Variants in ROBO1 observed in about 807,000 individuals in gnomAD.
The protein encoded by ROBO1 is roundabout guidance receptor 1, also known as roundabout homolog 1.
Under a neutral mutation model 195.9 loss-of-function variants are expected in ROBO1, and 149 were observed. That is an observed-to-expected ratio of 0.76 (90% confidence interval 0.67 to 0.87). ROBO1 has a LOEUF of 0.87. Among genes scored for constraint, ROBO1 ranks in the 40% least tolerant of loss-of-function variants. The probability of loss-of-function intolerance (pLI) is 0.00; values close to 1 mark genes in which losing one functional copy is unlikely to be tolerated. For synonymous variants in ROBO1, 816 were observed against 733.2 expected (o/e 1.11, Z -1.82); for missense variants, 1,933 against 2,068.3 (o/e 0.93, Z 1.27).
At chr3:78,654,412 C>T (rs761804629) in intron 18 of ROBO1, among the ~76,000 whole-genome samples, 2 of 152,168 alleles carry the variant, frequency 1.3e-5, no homozygotes, top group Non-Finnish European at 2.9e-5. Context: ...TTTCATGTTC[C>T]AGACTCTTTT....
chr3:79,395,260 T>G (rs1160817967), intron 2 of ROBO1, among the ~76,000 whole-genome samples: 1 of 139,186 alleles, frequency 7.2e-6, no homozygotes, highest in African/African-American at 2.7e-5. Flanking sequence ...AGGCAGAGCT[T>G]GCAGTGAGCC....
chr3:78,950,983 T>G (rs1258123204), intron 3 of ROBO1, among the ~76,000 whole-genome samples: 1 of 151,798 alleles, frequency 6.6e-6, no homozygotes, highest in Non-Finnish European at 1.5e-5. Context: ...TTTCTAACTT[T>G]TTTTCTGCCA....
chr3:79,373,593 C>G (rs2036280137), intron 2 of ROBO1, among the ~76,000 whole-genome samples: 1 of 152,134 alleles, frequency 6.6e-6, no homozygotes, highest in African/African-American at 2.4e-5. Context: ...AAATACTGAG[C>G]CACTGAAACT....
At chr3:79,078,889 T>C (rs566394831) in intron 3 of ROBO1, among the ~76,000 whole-genome samples, 2 of 151,876 alleles carry the variant, frequency 1.3e-5, no homozygotes, top group African/African-American at 4.8e-5. Context: ...TGGTTTGTAG[T>C]TCACATTTTG....
At position 78,954,950 on chromosome 3, in the gene ROBO1, C is replaced by CTT. The variant is rs34852420; in HGVS notation, c.173-16025_173-16024dup. Among the ~76,000 whole-genome samples the CTT allele has an allele frequency of 3.4e-3, 469 of 139,722 alleles. 6 individuals carry two copies. The highest frequency in any genetic ancestry group is 8.4e-3 in the South Asian group (37 of 4,410). The allele number at this position is 139,722 out of a possible 152,430, so 91.7% of individuals were successfully genotyped here. On this transcript the variant is annotated intron_variant, in intron 3 of 30. Coordinates refer to ENST00000464233, the MANE Select transcript of ROBO1 (RefSeq NM_002941.4). The stretch of plus-strand genomic sequence containing the variant: ...TTAATCTTACTTTCGTGTTTAAAAA[C>CTT]TTTTTTTTTTTTTTTTACTTTTATG...
intron 10 of ROBO1, among the ~76,000 whole-genome samples, chr3:78,678,386 G>A (rs1358236748): frequency 6.6e-6 from 1 of 152,104 alleles, no homozygotes; most frequent in Non-Finnish European, 1.5e-5. Context: ...GAAACCAAGA[G>A]CTGGTTTTTT....
intron 2 of ROBO1, among the ~76,000 whole-genome samples, chr3:79,177,222 A>C (rs2081273784): frequency 6.6e-6 from 1 of 152,210 alleles, no homozygotes. Flanking sequence ...GCAGAATAAT[A>C]AACTTACGTT....
At chr3:78,895,643 G>T (rs921289037) in intron 4 of ROBO1, among the ~76,000 whole-genome samples, 1 of 152,134 alleles carries the variant, frequency 6.6e-6, no homozygotes, top group Non-Finnish European at 1.5e-5. Context: ...GAAGAAAAAT[G>T]ATTTGTTCTT....
At chr3:78,821,097 A>G (rs1212314724) in intron 4 of ROBO1, among the ~76,000 whole-genome samples, 1 of 151,832 alleles carries the variant, frequency 6.6e-6, no homozygotes, top group Non-Finnish European at 1.5e-5. Context: ...AAAAATATAC[A>G]TGGTGAAACT....
chr3:79,126,042 A>G (rs1272969601), intron 2 of ROBO1, among the ~76,000 whole-genome samples: 1 of 152,174 alleles, frequency 6.6e-6, no homozygotes, highest in African/African-American at 2.4e-5. Flanking sequence ...GGTCTTGTCA[A>G]ATAAGAGGGA....
chr3:78,624,406 A>T (rs1704634413), intron 26 of ROBO1, among the ~76,000 whole-genome samples: 1 of 152,148 alleles, frequency 6.6e-6, no homozygotes, highest in Non-Finnish European at 1.5e-5. Context: ...TGTTATTTCC[A>T]GCAATGACCC....
At chr3:78,760,953 T>C (rs2083087286) in intron 4 of ROBO1, among the ~76,000 whole-genome samples, 2 of 152,182 alleles carry the variant, frequency 1.3e-5, no homozygotes, top group Non-Finnish European at 2.9e-5. Flanking sequence ...TGATATGTTC[T>C]TTTTTAAATT....
rs531445212 is a variant in ROBO1 at position 78,694,396 on chromosome 3, T to A, written c.1046-5624A>T. Among the ~76,000 whole-genome samples, 39 of 152,318 alleles carry A rather than the reference T, an allele frequency of 2.6e-4. 1 individual carries two copies. Among genetic ancestry groups the A allele is most frequent in the Admixed American group, 2.4e-3 (36 of 15,298 alleles). On this transcript the variant is annotated intron_variant, in intron 8 of 30. Coordinates refer to ENST00000464233, the MANE Select transcript of ROBO1 (RefSeq NM_002941.4). ...AAATAAATGCTAAAGAATGTTGTTG[T>A]TAAGTGGTACAGTTATAAAGCAAAG...
chr3:78,863,830 C>G (rs976208648), intron 4 of ROBO1, among the ~76,000 whole-genome samples: 2 of 152,134 alleles, frequency 1.3e-5, no homozygotes, highest in African/African-American at 2.4e-5. Flanking sequence ...GTCCCTCCAC[C>G]GTCAAAATCA....
chr3:79,412,563 C>G (rs564080632), intron 2 of ROBO1, among the ~76,000 whole-genome samples: 1 of 152,152 alleles, frequency 6.6e-6, no homozygotes, highest in African/African-American at 2.4e-5. Context: ...GCTCTGACAT[C>G]TTGGAGAAAG....
At chr3:79,316,762 A>AT (rs201356921) in intron 2 of ROBO1, among the ~76,000 whole-genome samples, 3,833 of 152,144 alleles carry the variant, frequency 0.025, 73 homozygotes, top group Non-Finnish European at 0.039. Context: ...ACTTATTTGC[A>AT]TTTTTTTGTA....
At chr3:79,621,944 C>T (rs569209526) in intron 1 of ROBO1, among the ~76,000 whole-genome samples, 3 of 152,190 alleles carry the variant, frequency 2.0e-5, no homozygotes, top group South Asian at 2.1e-4. Context: ...AGCAGCATTC[C>T]GAGGCTCCCA....
At chr3:78,818,923 C>A (rs1360671955) in intron 4 of ROBO1, among the ~76,000 whole-genome samples, 29 of 152,232 alleles carry the variant, frequency 1.9e-4, no homozygotes, top group Admixed American at 3.3e-4. Context: ...TATAATTGTT[C>A]TACCTTATTA....
chr3:79,536,367 T>G (rs564129357), intron 2 of ROBO1, among the ~76,000 whole-genome samples: 1 of 152,282 alleles, frequency 6.6e-6, no homozygotes, highest in South Asian at 2.1e-4. Flanking sequence ...CAGTGTATCA[T>G]GCACTGTCGC....
Sources: gnomAD v4.1 joint callset for allele counts (sites outside exome capture counted in the v4.1 genomes callset) on GRCh38, gnomAD v4.1.1 for gene constraint, MANE v1.5 for transcripts, NCBI Gene and HGNC (gene_info 2026-07-23, HGNC 2026-07-21) for gene names.